The following SCLT1 variants were observed in gnomAD, a reference collection of about 807,000 sequenced individuals.
SCLT1 encodes the protein sodium channel-associated protein 1.
In SCLT1, 78 loss-of-function variants were observed where a neutral mutation model predicts 112.8. The ratio of observed to expected loss-of-function variants is 0.69; its 90% CI spans 0.58 to 0.83. SCLT1 has a LOEUF of 0.83. SCLT1 is among the 40% of genes least tolerant of loss of function. The pLI is 0.00. For missense variants in SCLT1, 747 were observed against 770.4 expected (o/e 0.97, Z 0.36); for synonymous variants, 257 against 254.7 (o/e 1.01, Z -0.09).
At position 128,989,222 on chromosome 4, in the gene SCLT1, A is replaced by G. The variant is rs569417054; in HGVS notation, c.686+2945T>C. On this transcript the variant is annotated intron_variant, in intron 9 of 20. Coordinates refer to ENST00000281142, the MANE Select transcript of SCLT1 (RefSeq NM_144643.4). ...AAACAGTCTCAAGGACAGAACATAT[A>G]TTAGGCCATAAAACAAGTCCCCAAA... Among the ~76,000 whole-genome samples, 6 of 152,028 alleles carry G rather than the reference A, an allele frequency of 3.9e-5. No homozygotes were observed. The South Asian group carries it at 1.2e-3, about 31-fold the overall frequency.
chr4:129,045,364 A>G (rs538738399), intron 2 of SCLT1, among the ~76,000 whole-genome samples: 13 of 152,226 alleles, frequency 8.5e-5, no homozygotes, highest in African/African-American at 2.2e-4. Context: ...CTATACAGCT[A>G]AAGACACCAA....
At chr4:129,026,683 C>A (rs1746121701) in intron 5 of SCLT1, among the ~76,000 whole-genome samples, 1 of 151,928 alleles carries the variant, frequency 6.6e-6, no homozygotes, top group Non-Finnish European at 1.5e-5. Flanking sequence ...TAGCAGAAGG[C>A]AAGAAATAAC....
intron 16 of SCLT1, chr4:128,945,040 G>A (rs973519883): frequency 6.6e-6 from 1 of 152,148 alleles, no homozygotes; most frequent in Non-Finnish European, 1.5e-5. Flanking sequence ...CTTATTCTAT[G>A]TTTACACCCT....
chr4:129,069,340 G>C (rs530643891), intron 2 of SCLT1, among the ~76,000 whole-genome samples: 1 of 152,040 alleles, frequency 6.6e-6, no homozygotes, highest in Non-Finnish European at 1.5e-5. Flanking sequence ...GAATTGCATG[G>C]AATCTGTAGA....
chr4:129,029,321 T>C (rs1746466907), intron 5 of SCLT1, among the ~76,000 whole-genome samples: 1 of 152,030 alleles, frequency 6.6e-6, no homozygotes, highest in Non-Finnish European at 1.5e-5. Context: ...ATGTGGCACA[T>C]ATACACCATG....
At chr4:128,890,941 G>T in intron 19 of SCLT1, 118 bp downstream of exon 19, 1 of 663,562 alleles carries the variant, frequency 1.5e-6, no homozygotes, top group Non-Finnish European at 2.6e-6. Flanking sequence ...GGTTATGGAT[G>T]ATTTCTGTAT....
intron 18 of SCLT1, among the ~76,000 whole-genome samples, chr4:128,927,086 A>C (rs923515209): frequency 6.6e-6 from 1 of 152,224 alleles, no homozygotes; most frequent in Admixed American, 6.5e-5. Context: ...ATAAAAACAA[A>C]TCCCAATATA....
At chr4:128,926,935 C>T (rs1330515562) in intron 18 of SCLT1, among the ~76,000 whole-genome samples, 2 of 149,922 alleles carry the variant, frequency 1.3e-5, no homozygotes, top group Admixed American at 6.7e-5. Context: ...AGGGTAGTTA[C>T]CAAAAGAACA....
intron 9 of SCLT1, among the ~76,000 whole-genome samples, chr4:128,977,002 T>G (rs531339697): frequency 6.6e-6 from 1 of 152,224 alleles, no homozygotes; most frequent in African/African-American, 2.4e-5. Context: ...GAGCTGCACT[T>G]TAGAAATTTA....
intron 11 of SCLT1, among the ~76,000 whole-genome samples, chr4:128,962,024 G>T (rs1739781947): frequency 6.6e-6 from 1 of 152,132 alleles, no homozygotes; most frequent in Admixed American, 6.5e-5. Flanking sequence ...CCTGCCTAAG[G>T]ACATTTACCT....
At chr4:128,896,472 C>T (rs369609058) in intron 18 of SCLT1, among the ~76,000 whole-genome samples, 1 of 152,184 alleles carries the variant, frequency 6.6e-6, no homozygotes, top group African/African-American at 2.4e-5. Flanking sequence ...TCCTGACTGT[C>T]AGAAGGAAAA....
At chr4:128,902,483 A>G (rs774626447) in intron 18 of SCLT1, among the ~76,000 whole-genome samples, 7 of 152,158 alleles carry the variant, frequency 4.6e-5, no homozygotes, top group Non-Finnish European at 8.8e-5. Flanking sequence ...CAATTTTAAC[A>G]TTGTAAGTTT....
downstream of SCLT1, among the ~76,000 whole-genome samples, chr4:128,879,252 G>C (rs1560794969): frequency 6.6e-6 from 1 of 152,182 alleles, no homozygotes; most frequent in Non-Finnish European, 1.5e-5. Context: ...TGAACTGCAA[G>C]GACAGAGTGG....
intron 11 of SCLT1, among the ~76,000 whole-genome samples, chr4:128,964,791 A>G (rs1256701776): frequency 2.6e-5 from 4 of 152,154 alleles, no homozygotes; most frequent in African/African-American, 9.7e-5. Context: ...AGAAAGAAAG[A>G]TTTTAGGTTA....
chr4:129,085,665 A>G (rs1027826137), intron 1 of SCLT1, among the ~76,000 whole-genome samples: 14 of 152,230 alleles, frequency 9.2e-5, no homozygotes, highest in African/African-American at 3.4e-4. Context: ...CATGTATACC[A>G]TGGAATACTA....
chr4:128,899,467 T>A (rs1350251026), intron 18 of SCLT1, among the ~76,000 whole-genome samples: 5 of 152,128 alleles, frequency 3.3e-5, no homozygotes, highest in Admixed American at 3.3e-4. Flanking sequence ...TTTGACAAAA[T>A]TCAACAACCA....
chr4:129,083,450 CAAA>C (rs10708320), intron 1 of SCLT1, among the ~76,000 whole-genome samples: 40 of 116,388 alleles, frequency 3.4e-4, no homozygotes, highest in Non-Finnish European at 4.1e-4. Context: ...TATCAAGAAC[CAAA>C]AAAAAAAAAA....
chr4:128,879,551 C>G (rs1222988132), downstream of SCLT1, among the ~76,000 whole-genome samples: 2 of 152,258 alleles, frequency 1.3e-5, no homozygotes, highest in East Asian at 1.9e-4. Context: ...TGACCCCGAG[C>G]AAATGATTTA....
intron 2 of SCLT1, among the ~76,000 whole-genome samples, chr4:129,056,510 C>A (rs1014155700): frequency 1.3e-5 from 2 of 152,134 alleles, no homozygotes; most frequent in Admixed American, 6.5e-5. Flanking sequence ...TTTTCAATTT[C>A]TGTCAACATT....
Sources: gnomAD v4.1 joint callset for allele counts (sites outside exome capture counted in the v4.1 genomes callset) on GRCh38, gnomAD v4.1.1 for gene constraint, MANE v1.5 for transcripts, NCBI Gene and HGNC (gene_info 2026-07-23, HGNC 2026-07-21) for gene names.